Variants in ATP5PB observed in about 807,000 individuals in gnomAD.
ATP5PB encodes ATP synthase peripheral stalk-membrane subunit b.
In ATP5PB, 21 loss-of-function variants were observed where a neutral mutation model predicts 34.5. The ratio of observed to expected loss-of-function variants is 0.61; its 90% confidence interval spans 0.43 to 0.88. ATP5PB has a LOEUF of 0.88. Ranked by LOEUF, ATP5PB falls within the 40% of genes least tolerant of loss-of-function variation. ATP5PB has a pLI of 0.00. For synonymous variants in ATP5PB, 108 were observed against 114.1 expected (o/e 0.95, Z 0.34); for missense variants, 293 against 317.4 (o/e 0.92, Z 0.58).
chr1:111,452,229 C>A (rs1048941749), intron 2 of ATP5PB, among the ~76,000 whole-genome samples: 3 of 151,894 alleles, frequency 2.0e-5, no homozygotes, highest in African/African-American at 7.3e-5. Flanking sequence ...ATTTTAGAAA[C>A]ATTGGCAGTA....
In ATP5PB at chr1:111,458,730, T is replaced by G. The variant is rs959835073; in HGVS notation, c.514-727T>G. ...GCCTTCAGTTTGGTATGCATTGGTT[T>G]GTGATGCCTATGGGTTAGCCAAGTA... On this transcript the variant is annotated intron_variant, in intron 5 of 6. Transcript: ENST00000369722. 5.3e-5 allele frequency among the ~76,000 whole-genome samples: 8 copies of G among 152,300 alleles called. No individual in the cohort carries two copies. The East Asian group carries it at 1.2e-3, about 22-fold the overall frequency.
intron 5 of ATP5PB, among the ~76,000 whole-genome samples, chr1:111,458,780 T>C (rs1653537296): frequency 1.3e-5 from 2 of 152,216 alleles, no homozygotes; most frequent in Non-Finnish European, 2.9e-5. Flanking sequence ...CTTGGCCTTA[T>C]GTAGCCTTAC....
chr1:111,450,864 A>C (rs542382369), intron 2 of ATP5PB, among the ~76,000 whole-genome samples: 1 of 152,346 alleles, frequency 6.6e-6, no homozygotes, highest in African/African-American at 2.4e-5. Context: ...AATAATTGTA[A>C]TACCAGGTAG....
chr1:111,461,067 C>T lies in ATP5PB; in HGVS notation c.*73C>T. 1 of 1,391,518 alleles carries T rather than the reference C, an allele frequency of 7.2e-7. No homozygotes were observed. Among genetic ancestry groups the T allele is most frequent in the South Asian group, 1.2e-5 (1 of 83,274 alleles). 86.2% of individuals were successfully genotyped at this position (1,391,518 alleles called of 1,614,324 possible). A position where few individuals can be genotyped will look rare whatever the true frequency, so the allele number is the denominator to read the frequency against. ...TGGAAACTAGTCTATTTGACAAAGT[C>T]TTTCTGTGTTGGTGTCTACTGAAGT... On this transcript the variant is annotated 3_prime_UTR_variant, in exon 7 of 7. Coordinates refer to ENST00000369722, the MANE Select transcript of ATP5PB (RefSeq NM_001688.5).
intron 1 of ATP5PB, 92 bp downstream of exon 1, chr1:111,449,673 C>T: frequency 6.5e-7 from 1 of 1,545,946 alleles, no homozygotes; most frequent in Non-Finnish European, 8.8e-7. Context: ...CGCAGCGACA[C>T]GGGCCTGAGA....
At chr1:111,451,567 G>GT (rs943190651) in intron 2 of ATP5PB, among the ~76,000 whole-genome samples, 9 of 151,880 alleles carry the variant, frequency 5.9e-5, no homozygotes, top group Non-Finnish European at 1.2e-4. Context: ...GTCAGTAAAT[G>GT]TTTTTTTTAA....
At position 111,449,689 on chromosome 1, in the gene ATP5PB, G is replaced by A. The variant is rs1653251424; in HGVS notation, c.40+108G>A. The A allele has an allele frequency of 3.9e-6, 6 of 1,543,740 alleles. No homozygotes were observed. The South Asian group carries it at 7.1e-5, about 18-fold the overall frequency. On this transcript the variant is annotated intron_variant, in intron 1 of 6. Coordinates refer to ENST00000369722, the MANE Select transcript of ATP5PB (RefSeq NM_001688.5). ...GCAGCGACACGGGCCTGAGAGGCGA[G>A]TGGTCAGTGCAGTTCGGAAGGGAGC...
intron 1 of ATP5PB, 111 bp downstream of exon 1, chr1:111,449,692 G>A (rs1158758446): frequency 2.0e-5 from 31 of 1,548,110 alleles, no homozygotes; most frequent in Non-Finnish European, 2.7e-5. Context: ...GAGGCGAGTG[G>A]TCAGTGCAGT....
rs1165413076 is a variant in ATP5PB at position 111,456,087 on chromosome 1, A to G, written c.225A>G (p.Gly75=). 1 of 1,572,324 alleles carries G rather than the reference A, an allele frequency of 6.4e-7. No individual in the cohort carries two copies. Among genetic ancestry groups the G allele is most frequent in the Non-Finnish European group, 8.6e-7 (1 of 1,161,484 alleles). Residue 75 remains glycine (G), a splice_region_variant and synonymous_variant, in exon 4 of 7, where the codon GGA becomes GGG. Transcript: ENST00000369722. ...TAAAATAACTCTTTCTTCTTTTAGGACCCTATGTACTCGGAACTGGGCTTA... is the reference window on the plus strand; with the variant it reads ...TAAAATAACTCTTTCTTCTTTTAGGGCCCTATGTACTCGGAACTGGGCTTA... ...QFLYPKTGVT[G]PYVLGTGLIL...
Position 111,461,101 on chromosome 1 carries a change from A to T in ATP5PB, c.*107A>T. ...TTGGTGTCTACTGAAGTTATAGTTT[A>T]CCCTTCCTAAAAATGAAAAGTTTGT... On this transcript the variant is annotated 3_prime_UTR_variant, in exon 7 of 7. Transcript: ENST00000369722. The T allele has an allele frequency of 9.7e-7, 1 of 1,026,678 alleles. No individual in the cohort carries two copies. Among genetic ancestry groups the T allele is most frequent in the South Asian group, 1.5e-5 (1 of 66,622 alleles). 63.6% of individuals were successfully genotyped at this position (1,026,678 alleles called of 1,614,324 possible). A position where few individuals can be genotyped will look rare whatever the true frequency, so the allele number is the denominator to read the frequency against.
chr1:111,449,840 CCT>C lies in ATP5PB; in HGVS notation c.49_50del (p.Leu17GlufsTer32). The C allele has an allele frequency of 6.2e-7, 1 of 1,614,160 alleles. No homozygotes were observed. Among genetic ancestry groups the C allele is most frequent in the Non-Finnish European group, 8.5e-7 (1 of 1,180,024 alleles). ...CCTTCGCCTTGTCTATCTGCAGCCC[CCT>C]CTCTGAAGAATGCAGCCTTCCTAGG... On this transcript the variant is annotated frameshift_variant, in exon 2 of 7. Transcript: ENST00000369722. LOFTEE classifies it high-confidence loss of function.
At position 111,456,225 on chromosome 1, in the gene ATP5PB, A is replaced by C. The variant is rs752631080; in HGVS notation, c.363A>C (p.Ala121=). The change falls in exon 4 of 7, where the codon GCA becomes GCC. Residue 121 remains alanine (A), a synonymous_variant. Transcript: ENST00000369722. The stretch of plus-strand genomic sequence containing the variant: ...TTAAAAAATATGGTCCCTTTGTTGC[A>C]GACTTTGCTGATAAACTCAATGAGG... ...YGIKKYGPFV[A]DFADKLNEQK... is the part of the protein sequence containing the mutation. The C allele has an allele frequency of 1.2e-6, 2 of 1,604,546 alleles. No individual in the cohort carries two copies. Among genetic ancestry groups the C allele is most frequent in the East Asian group, 4.5e-5 (2 of 44,678 alleles).
In ATP5PB at chr1:111,459,577, C is replaced by G. The variant is rs778895390; in HGVS notation, c.634C>G (p.Gln212Glu). Residue 212 changes from glutamine to glutamate, a missense_variant, in exon 6 of 7, where the codon CAA becomes GAA. By Grantham distance (29) the Gln-to-Glu change is conservative. Transcript: ENST00000369722. ...SVQNMMRRKE[Q>E]EHMINWVEKH... ...GCAGAACATGATGCGTCGAAAGGAA[C>G]AAGAACACATGATAAATTGGGTGGA... 1.2e-6 allele frequency: 2 copies of G among 1,613,932 alleles called. No individual in the cohort carries two copies. The highest frequency in any genetic ancestry group is 1.7e-6 in the Non-Finnish European group (2 of 1,179,844).
intron 2 of ATP5PB, 91 bp from the exon 3 acceptor site, chr1:111,454,120 A>C: frequency 7.5e-7 from 1 of 1,334,214 alleles, no homozygotes; most frequent in South Asian, 2.0e-5. Context: ...TGCCTCAATT[A>C]TCAACCCTAT....
intron 2 of ATP5PB, 65 bp downstream of exon 2, chr1:111,449,938 C>T (rs546993176): frequency 1.3e-6 from 2 of 1,594,522 alleles, no homozygotes; most frequent in Non-Finnish European, 1.7e-6. Context: ...CCGATTCCTG[C>T]CCCCACCCCC....
chr1:111,449,694 C>T (rs1171754705), intron 1 of ATP5PB, 113 bp downstream of exon 1: 4 of 1,544,684 alleles, frequency 2.6e-6, no homozygotes, highest in Non-Finnish European at 3.5e-6. Flanking sequence ...GGCGAGTGGT[C>T]AGTGCAGTTC....
rs1301169443 is a variant in ATP5PB, at chr1:111,461,933, A to C, written c.*939A>C. 3 of 151,642 alleles carry C rather than the reference A, an allele frequency of 2.0e-5. No individual in the cohort carries two copies. Among genetic ancestry groups the C allele is most frequent in the Admixed American group, 2.0e-4 (3 of 15,224 alleles). 9.4% of individuals were successfully genotyped at this position (151,642 alleles called of 1,614,324 possible). ...AAAAAAAAAAATCCAGCAGACACCT[A>C]TCAGGAACATAGAAAATAACAAGTG... On this transcript the variant is annotated 3_prime_UTR_variant, in exon 7 of 7. Coordinates refer to ENST00000369722, the MANE Select transcript of ATP5PB (RefSeq NM_001688.5).
Position 111,462,515 on chromosome 1 carries a change from G to C in ATP5PB, c.*1521G>C, listed in dbSNP as rs1324703319. On this transcript the variant is annotated 3_prime_UTR_variant, in exon 7 of 7. Coordinates refer to ENST00000369722, the MANE Select transcript of ATP5PB (RefSeq NM_001688.5). Reference sequence around the variant, plus strand: ...TCCCTTCATAGGTTTATCTGCATTTGATTCTCCCATACTTGTACAAGGATT... The same window carrying C: ...TCCCTTCATAGGTTTATCTGCATTTCATTCTCCCATACTTGTACAAGGATT... The C allele has an allele frequency of 6.6e-6, 1 of 152,094 alleles. No individual in the cohort carries two copies. Among genetic ancestry groups the C allele is most frequent in the Non-Finnish European group, 1.5e-5 (1 of 68,014 alleles). The allele number at this position is 152,094 out of a possible 1,614,324, so 9.4% of individuals were successfully genotyped here.
intron 6 of ATP5PB, among the ~76,000 whole-genome samples, chr1:111,460,384 TG>T (rs1653585868): frequency 1.3e-5 from 2 of 151,982 alleles, no homozygotes; most frequent in African/African-American, 4.8e-5. Context: ...TAAGTATTTC[TG>T]GTTGTTTTCA....
Sources: gnomAD v4.1 joint callset for allele counts (sites outside exome capture counted in the v4.1 genomes callset) on GRCh38, gnomAD v4.1.1 for gene constraint, MANE v1.5 for transcripts, NCBI Gene and HGNC (gene_info 2026-07-23, HGNC 2026-07-21) for gene names.